The following PLPP1 variants were observed in gnomAD, a reference collection of about 807,000 sequenced individuals.
PLPP1 encodes lipid phosphate phosphohydrolase 1a.
Under a neutral mutation model 31.2 loss-of-function variants are expected in PLPP1, and 24 were observed. The ratio of observed to expected loss-of-function variants is 0.77; its 90% confidence interval spans 0.56 to 1.08. The LOEUF (loss-of-function observed/expected upper bound fraction) is 1.08. PLPP1 is among the 50% of genes least tolerant of loss of function. PLPP1 has a pLI of 0.00. For synonymous variants in PLPP1, 146 were observed against 126.3 expected (o/e 1.16, Z -1.05); for missense variants, 319 against 342.7 (o/e 0.93, Z 0.55).
At chr5:55,521,375 G>A (rs1753664036) in intron 1 of PLPP1, among the ~76,000 whole-genome samples, 1 of 149,758 alleles carries the variant, frequency 6.7e-6, no homozygotes, top group South Asian at 2.1e-4. Flanking sequence ...AAATTGGCCA[G>A]GCATGGTGGT....
At chr5:55,512,462 C>A (rs1753436225) in intron 1 of PLPP1, among the ~76,000 whole-genome samples, 1 of 46,184 alleles carries the variant, frequency 2.2e-5, no homozygotes, top group African/African-American at 6.9e-5. Context: ...CAGAGCAAGA[C>A]TGTCTCAAAA....
At chr5:55,440,814 CA>C (rs1389956766) in intron 4 of PLPP1, among the ~76,000 whole-genome samples, 7 of 152,110 alleles carry the variant, frequency 4.6e-5, no homozygotes, top group African/African-American at 1.7e-4. Flanking sequence ...CTTAATGTTA[CA>C]TATTGTGCAT....
intron 1 of PLPP1, among the ~76,000 whole-genome samples, chr5:55,515,993 G>A (rs1477639957): frequency 2.6e-5 from 4 of 151,700 alleles, no homozygotes; most frequent in Non-Finnish European, 4.4e-5. Flanking sequence ...CAAACCAAAC[G>A]ATCTCCTCCC....
intron 1 of PLPP1, 114 bp from the exon 2 acceptor site, chr5:55,475,564 G>T: frequency 1.1e-6 from 1 of 927,386 alleles, no homozygotes; most frequent in Non-Finnish European, 1.5e-6. Context: ...GAAAATAAAT[G>T]AGAGCACATG....
intron 3 of PLPP1, among the ~76,000 whole-genome samples, chr5:55,448,833 C>A (rs1343714418): frequency 1.3e-5 from 2 of 152,148 alleles, no homozygotes; most frequent in Non-Finnish European, 2.9e-5. Flanking sequence ...TACCAAAATC[C>A]ATGGATGCTC....
intron 4 of PLPP1, among the ~76,000 whole-genome samples, chr5:55,434,490 T>C (rs1751445912): frequency 6.6e-6 from 1 of 150,382 alleles, no homozygotes; most frequent in Admixed American, 6.6e-5. Flanking sequence ...CTGAGCAAAA[T>C]GAAAAAAAGC....
intron 1 of PLPP1, among the ~76,000 whole-genome samples, chr5:55,534,259 A>AG (rs1740793443): frequency 6.6e-6 from 1 of 152,140 alleles, no homozygotes; most frequent in African/African-American, 2.4e-5. Context: ...TACAGAGGGG[A>AG]GGAGCCCACC....
intron 1 of PLPP1, among the ~76,000 whole-genome samples, chr5:55,517,394 G>A (rs1295761999): frequency 1.3e-5 from 2 of 152,076 alleles, no homozygotes; most frequent in East Asian, 1.9e-4. Context: ...ACAAGGTTTT[G>A]CCATGTTGCC....
At chr5:55,443,344 C>T (rs935322648) in intron 3 of PLPP1, among the ~76,000 whole-genome samples, 1 of 150,422 alleles carries the variant, frequency 6.6e-6, no homozygotes, top group Admixed American at 6.6e-5. Flanking sequence ...GTAATTAAAC[C>T]CAATAATTAT....
intron 1 of PLPP1, among the ~76,000 whole-genome samples, chr5:55,519,911 C>G (rs1338672386): frequency 6.6e-6 from 1 of 152,026 alleles, no homozygotes; most frequent in Non-Finnish European, 1.5e-5. Context: ...TTCTTAAACT[C>G]TACAGAAAAA....
At chr5:55,456,265 G>A (rs1205764319) in intron 3 of PLPP1, among the ~76,000 whole-genome samples, 2 of 152,160 alleles carry the variant, frequency 1.3e-5, no homozygotes, top group African/African-American at 4.8e-5. Flanking sequence ...TATAATAGCA[G>A]TAATAGCAGA....
rs1751126107 is a variant in PLPP1 at position 55,424,867 on chromosome 5, T to C, written c.*339A>G. 1.5e-5 allele frequency: 12 copies of C among 820,996 alleles called. No individual in the cohort carries two copies. The highest frequency in any genetic ancestry group is 2.4e-5 in the Non-Finnish European group (12 of 490,324). The allele number at this position is 820,996 out of a possible 1,614,324, so 50.9% of individuals were successfully genotyped here. On this transcript the variant is annotated 3_prime_UTR_variant, in exon 6 of 6. Coordinates refer to ENST00000307259, the MANE Select transcript of PLPP1 (RefSeq NM_003711.4). ...TGCAAGTGTGGATTTGGTTCTCCCA[T>C]ACATTTTAATATGTATTATATTTAA...
chr5:55,479,627 G>A (rs1312807559), intron 1 of PLPP1, among the ~76,000 whole-genome samples: 1 of 43,166 alleles, frequency 2.3e-5, no homozygotes, highest in Admixed American at 3.6e-4. Flanking sequence ...TGACTAGCCT[G>A]GTCCCTGAAC....
At chr5:55,477,119 T>G (rs527516372) in intron 1 of PLPP1, among the ~76,000 whole-genome samples, 2 of 152,212 alleles carry the variant, frequency 1.3e-5, no homozygotes, top group South Asian at 4.1e-4. Flanking sequence ...CAGACTATCC[T>G]CTGATTCACC....
rs1751632326 is a variant in PLPP1 at position 55,442,009 on chromosome 5, C to T, written c.492-101G>A. 4 of 1,118,952 alleles carry T rather than the reference C, an allele frequency of 3.6e-6. No individual in the cohort carries two copies. In the South Asian group the frequency reaches 4.0e-5, roughly 11 times the overall value. 69.3% of individuals were successfully genotyped at this position (1,118,952 alleles called of 1,614,324 possible). ...CTTAGTTTCAGAGTGTACACAACTG[C>T]CTCCCTCTACTTTGAGAAATTAGAA... On this transcript the variant is annotated intron_variant, in intron 3 of 5. Coordinates refer to ENST00000307259, the MANE Select transcript of PLPP1 (RefSeq NM_003711.4).
Position 55,491,219 on chromosome 5 carries a change from C to T in PLPP1, c.59-15769G>A. ...GCAAATCCTAGCCATATTTTGCCCT[C>T]TCTGGAGATGGATCTCCATTATACC... On this transcript the variant is annotated intron_variant, in intron 1 of 5. Coordinates refer to ENST00000307259, the MANE Select transcript of PLPP1 (RefSeq NM_003711.4). 5.6e-6 allele frequency: 7 copies of T among 1,246,674 alleles called. No individual in the cohort carries two copies. The South Asian group carries it at 1.1e-4, about 19-fold the overall frequency. 77.2% of individuals were successfully genotyped at this position (1,246,674 alleles called of 1,614,324 possible).
At chr5:55,448,207 C>CA (rs1307222691) in intron 3 of PLPP1, among the ~76,000 whole-genome samples, 1 of 152,082 alleles carries the variant, frequency 6.6e-6, no homozygotes, top group Non-Finnish European at 1.5e-5. Flanking sequence ...AATGAGATAT[C>CA]AGATTATTAT....
intron 1 of PLPP1, among the ~76,000 whole-genome samples, chr5:55,491,525 T>C (rs1378179335): frequency 1.3e-5 from 2 of 152,164 alleles, no homozygotes; most frequent in Admixed American, 6.5e-5. Context: ...CATAAATAAA[T>C]TTAGTAATTA....
intron 4 of PLPP1, among the ~76,000 whole-genome samples, chr5:55,437,224 A>G (rs1252333051): frequency 6.6e-6 from 1 of 152,254 alleles, no homozygotes; most frequent in Non-Finnish European, 1.5e-5. Context: ...GGATCTAATT[A>G]GAATATCTCA....
Sources: allele counts gnomAD v4.1 joint callset (sites outside exome capture counted in the v4.1 genomes callset), GRCh38; gene constraint gnomAD v4.1.1; transcripts MANE v1.5; gene names NCBI Gene and HGNC (gene_info 2026-07-23, HGNC 2026-07-21).